Variants in CUL5 observed in about 807,000 individuals in gnomAD.
CUL5 encodes the protein cullin-5.
A neutral mutation model predicts 108.8 loss-of-function variants in CUL5; 26 were observed. The ratio of observed to expected loss-of-function variants is 0.24; its 90% CI spans 0.18 to 0.33. CUL5 has a LOEUF of 0.33. CUL5 is among the 10% of genes least tolerant of loss of function. The pLI, the probability that CUL5 is intolerant of heterozygous loss-of-function variation, is 1.00. For synonymous variants in CUL5, 334 were observed against 298.0 expected (o/e 1.12, Z -1.25); for missense variants, 524 against 909.2 (o/e 0.58, Z 5.45).
chr11:108,068,020 C>T (rs1177731099), intron 7 of CUL5, among the ~76,000 whole-genome samples: 1 of 152,040 alleles, frequency 6.6e-6, no homozygotes, highest in Non-Finnish European at 1.5e-5. Flanking sequence ...TCTCTGCCTC[C>T]CAGGTTTAAG....
chr11:108,034,353 A>T (rs1198691565), intron 2 of CUL5, among the ~76,000 whole-genome samples: 6 of 152,206 alleles, frequency 3.9e-5, no homozygotes, highest in Admixed American at 3.9e-4. Flanking sequence ...TCACATAGGC[A>T]GTCTCTCTCA....
intron 3 of CUL5, among the ~76,000 whole-genome samples, chr11:108,048,720 G>A (rs1298250384): frequency 3.6e-5 from 5 of 139,150 alleles, no homozygotes; most frequent in Non-Finnish European, 6.0e-5. Context: ...AGGCTGCAGT[G>A]CAGTAGCGCG....
chr11:108,061,989 G>GA lies in CUL5; in HGVS notation c.780+7037dup, dbSNP rs1415105767. On this transcript the variant is annotated intron_variant, in intron 7 of 18. Transcript: ENST00000393094. ...TCCCTGTCACAAGAACAGCATGGGG[G>GA]AAACCTTGCTGATCCAATCACCTCC... 2.0e-5 allele frequency among the ~76,000 whole-genome samples: 3 copies of GA among 152,068 alleles called. No homozygotes were observed. The East Asian group carries it at 5.8e-4, about 29-fold the overall frequency.
intron 2 of CUL5, among the ~76,000 whole-genome samples, chr11:108,040,728 C>T (rs988361174): frequency 1.5e-4 from 23 of 151,646 alleles, no homozygotes; most frequent in African/African-American, 5.6e-4. Flanking sequence ...AAGTTACGAG[C>T]TTATCATGCC....
chr11:108,019,349 A>G (rs12287660), intron 1 of CUL5, among the ~76,000 whole-genome samples: 2 of 152,196 alleles, frequency 1.3e-5, no homozygotes, highest in African/African-American at 4.8e-5. Context: ...CTTCATAAAC[A>G]GTAAGGGAAC....
chr11:108,057,533 A>G (rs1308041997), intron 7 of CUL5, among the ~76,000 whole-genome samples: 1 of 152,206 alleles, frequency 6.6e-6, no homozygotes, highest in East Asian at 1.9e-4. Context: ...ACTCTTGCCA[A>G]AAATGTGTAA....
intron 18 of CUL5, among the ~76,000 whole-genome samples, chr11:108,102,083 G>A (rs892597419): frequency 6.6e-5 from 10 of 151,220 alleles, no homozygotes; most frequent in African/African-American, 1.2e-4. Flanking sequence ...GTGCAATGGT[G>A]TGATCTTGGC....
At chr11:108,064,532 A>G (rs985961568) in intron 7 of CUL5, among the ~76,000 whole-genome samples, 1 of 151,950 alleles carries the variant, frequency 6.6e-6, no homozygotes, top group African/African-American at 2.4e-5. Context: ...ACATGGTGAA[A>G]CCCCATCTCT....
intron 11 of CUL5, among the ~76,000 whole-genome samples, chr11:108,083,978 T>C (rs1387906595): frequency 6.6e-6 from 1 of 152,132 alleles, no homozygotes; most frequent in Admixed American, 6.5e-5. Context: ...CATTATGAGA[T>C]TTTTTGGCGA....
chr11:108,031,531 C>A (rs1362507877), intron 1 of CUL5, among the ~76,000 whole-genome samples: 1 of 152,192 alleles, frequency 6.6e-6, no homozygotes, highest in Non-Finnish European at 1.5e-5. Flanking sequence ...GTTATCCCAG[C>A]ACCATTTATT....
rs544238138 is a variant in CUL5, at chr11:108,071,086, A to C, written c.874+897A>C. 2.6e-5 allele frequency among the ~76,000 whole-genome samples: 4 copies of C among 152,344 alleles called. No individual in the cohort carries two copies. The East Asian group carries it at 7.7e-4, about 29-fold the overall frequency. ...ACATGAAAAAGTGCTTTGTAAATTG[A>C]AAAATTATTTATGAATACAGTTTTA... On this transcript the variant is annotated intron_variant, in intron 8 of 18. Transcript: ENST00000393094.
chr11:108,063,461 A>G (rs1434689625), intron 7 of CUL5, among the ~76,000 whole-genome samples: 1 of 152,034 alleles, frequency 6.6e-6, no homozygotes, highest in Non-Finnish European at 1.5e-5. Context: ...GGTGGACAGT[A>G]AGGTTCCTTC....
At chr11:108,102,346 A>C (rs2135253727) in intron 18 of CUL5, among the ~76,000 whole-genome samples, 1 of 151,960 alleles carries the variant, frequency 6.6e-6, no homozygotes, top group East Asian at 1.9e-4. Flanking sequence ...TATTCTTTTG[A>C]GACAGGGTCT....
chr11:108,091,544 G>A (rs1864359552), intron 13 of CUL5, among the ~76,000 whole-genome samples: 1 of 151,878 alleles, frequency 6.6e-6, no homozygotes. Context: ...TAAAAAATTA[G>A]CTGGGTGTGA....
intron 13 of CUL5, among the ~76,000 whole-genome samples, chr11:108,092,974 G>T (rs1409324510): frequency 1.4e-4 from 21 of 151,894 alleles, no homozygotes; most frequent in Non-Finnish European, 4.4e-5. Flanking sequence ...ATGCCACCAT[G>T]CCCAGCTAAT....
At position 108,105,753 on chromosome 11, in the gene CUL5, G is replaced by T. The variant is rs1017621945; in HGVS notation, c.*1369G>T. ...TGGATTTTTATTCATTGTGGTGCAC[G>T]TTTCAAATTTTCTTGCAAATTATTT... On this transcript the variant is annotated 3_prime_UTR_variant, in exon 19 of 19. Coordinates refer to ENST00000393094, the MANE Select transcript of CUL5 (RefSeq NM_003478.6). The T allele has an allele frequency of 6.6e-6, 1 of 151,988 alleles. No homozygotes were observed. Among genetic ancestry groups the T allele is most frequent in the Non-Finnish European group, 1.5e-5 (1 of 67,964 alleles). The allele number at this position is 151,988 out of a possible 1,614,324, so 9.4% of individuals were successfully genotyped here. A position where few individuals can be genotyped will look rare whatever the true frequency, so the allele number is the denominator to read the frequency against.
At chr11:108,018,351 T>G (rs926362225) in intron 1 of CUL5, among the ~76,000 whole-genome samples, 9 of 152,130 alleles carry the variant, frequency 5.9e-5, no homozygotes, top group African/African-American at 1.7e-4. Flanking sequence ...TGTCTGTGGA[T>G]TCAACCAACC....
intron 7 of CUL5, among the ~76,000 whole-genome samples, chr11:108,057,616 G>A (rs996951230): frequency 1.3e-5 from 2 of 152,142 alleles, no homozygotes; most frequent in African/African-American, 4.8e-5. Context: ...TATTCTTCAA[G>A]GTGTCAAGAC....
chr11:108,077,685 C>T (rs1863975389), intron 10 of CUL5, among the ~76,000 whole-genome samples: 1 of 151,708 alleles, frequency 6.6e-6, no homozygotes, highest in African/African-American at 2.4e-5. Flanking sequence ...TGGCTCACCC[C>T]TGTAATCCCA....
Sources: gnomAD v4.1 joint callset for allele counts (sites outside exome capture counted in the v4.1 genomes callset) on GRCh38, gnomAD v4.1.1 for gene constraint, MANE v1.5 for transcripts, NCBI Gene and HGNC (gene_info 2026-07-23, HGNC 2026-07-21) for gene names.